Variants in CAST observed in about 807,000 individuals in gnomAD.
CAST encodes the protein calpastatin.
Under a neutral mutation model 119.6 loss-of-function variants are expected in CAST, and 76 were observed. That is an observed-to-expected ratio of 0.64 (90% CI 0.53 to 0.77). CAST has a LOEUF of 0.77. Among genes scored for constraint, CAST ranks in the 30% least tolerant of loss-of-function variants. CAST has a pLI of 0.00. For missense variants in CAST, 953 were observed against 946.5 expected (o/e 1.01, Z -0.09); for synonymous variants, 319 against 331.6 (o/e 0.96, Z 0.41).
At chr5:96,515,444 T>C in the CAST span, among the ~76,000 whole-genome samples, 1 of 151,814 alleles carries the variant, frequency 6.6e-6, no homozygotes, top group Non-Finnish European at 1.5e-5. Context: ...ACAGTGTGAG[T>C]GGTAAAGCAG....
At chr5:96,582,691 G>T (rs1382552158) in intron 1 of CAST, among the ~76,000 whole-genome samples, 4 of 152,180 alleles carry the variant, frequency 2.6e-5, no homozygotes, top group African/African-American at 7.2e-5. Flanking sequence ...CCCTCCCTCA[G>T]AGTTGTTTCT....
At chr5:96,195,399 G>T in the CAST span, among the ~76,000 whole-genome samples, 1 of 152,188 alleles carries the variant, frequency 6.6e-6, no homozygotes, top group Non-Finnish European at 1.5e-5. Context: ...CCATGGACAG[G>T]GCTGAGGAAT....
chr5:96,668,439 G>A (rs569655310), intron 1 of CAST, among the ~76,000 whole-genome samples: 13 of 152,186 alleles, frequency 8.5e-5, no homozygotes, highest in Admixed American at 2.0e-4. Flanking sequence ...AATGTTTACA[G>A]CCTTAGAAAA....
intron 1 of CAST, among the ~76,000 whole-genome samples, chr5:96,566,110 C>G (rs1318008860): frequency 2.0e-5 from 3 of 152,152 alleles, no homozygotes; most frequent in Non-Finnish European, 2.9e-5. Flanking sequence ...CTGTGACATT[C>G]TCTTATTTTA....
chr5:96,466,302 G>T, the CAST span, among the ~76,000 whole-genome samples: 17 of 151,986 alleles, frequency 1.1e-4, no homozygotes, highest in Admixed American at 7.2e-4. Flanking sequence ...ATTTGTTCAC[G>T]TTTTTATTCC....
the CAST span, among the ~76,000 whole-genome samples, chr5:96,339,521 A>T: frequency 2.0e-5 from 3 of 152,238 alleles, no homozygotes; most frequent in African/African-American, 7.2e-5. Flanking sequence ...AAAATCACAC[A>T]GTGAGCTGGG....
intron 1 of CAST, among the ~76,000 whole-genome samples, chr5:96,667,387 A>G (rs1270329591): frequency 6.6e-6 from 1 of 152,214 alleles, no homozygotes; most frequent in Non-Finnish European, 1.5e-5. Flanking sequence ...TTTCTCATAG[A>G]TAAAACTACA....
chr5:96,476,976 A>C, the CAST span, among the ~76,000 whole-genome samples: 6 of 151,170 alleles, frequency 4.0e-5, no homozygotes, highest in African/African-American at 1.5e-4. Flanking sequence ...CTTTTAATTA[A>C]GTCCAAAGAT....
chr5:96,432,306 T>A, the CAST span: 2 of 620,384 alleles, frequency 3.2e-6, no homozygotes, highest in Non-Finnish European at 5.7e-6. Flanking sequence ...CCCAACCTCC[T>A]GGTCGCGAGT....
the CAST span, among the ~76,000 whole-genome samples, chr5:96,438,838 C>T: frequency 2.6e-5 from 4 of 152,082 alleles, no homozygotes; most frequent in Admixed American, 6.5e-5. Flanking sequence ...GTAATACTCT[C>T]CAAATTTATA....
the CAST span, among the ~76,000 whole-genome samples, chr5:96,515,375 T>C: frequency 6.6e-6 from 1 of 151,886 alleles, no homozygotes; most frequent in Non-Finnish European, 1.5e-5. Flanking sequence ...GTGAGCGTGA[T>C]AAATGGCACA....
chr5:96,647,835 G>C (rs912258787), intron 1 of CAST, among the ~76,000 whole-genome samples: 1 of 152,090 alleles, frequency 6.6e-6, no homozygotes, highest in Non-Finnish European at 1.5e-5. Flanking sequence ...AGAGCTGTGA[G>C]ATAATAAATT....
chr5:96,550,318 G>A (rs1746103313), intron 1 of CAST, among the ~76,000 whole-genome samples: 1 of 152,224 alleles, frequency 6.6e-6, no homozygotes, highest in South Asian at 2.1e-4. Flanking sequence ...CTGCAGCTGA[G>A]GGGCCTGTCT....
At chr5:96,115,153 G>T in the CAST span, among the ~76,000 whole-genome samples, 1 of 152,256 alleles carries the variant, frequency 6.6e-6, no homozygotes, top group South Asian at 2.1e-4. Context: ...CCAAAACTTA[G>T]TTGCTCTTTG....
chr5:96,375,448 A>G, the CAST span, among the ~76,000 whole-genome samples: 3 of 149,880 alleles, frequency 2.0e-5, no homozygotes, highest in Non-Finnish European at 4.4e-5. Context: ...TTTTTTTACT[A>G]TGCACATGAG....
At chr5:95,979,082 A>G in the CAST span, among the ~76,000 whole-genome samples, 1 of 152,250 alleles carries the variant, frequency 6.6e-6, no homozygotes, top group African/African-American at 2.4e-5. Context: ...TGAGTATCAG[A>G]TGCATTAGGG....
chr5:96,765,842 A>G (rs1285552004), intron 26 of CAST, among the ~76,000 whole-genome samples: 1 of 152,226 alleles, frequency 6.6e-6, no homozygotes, highest in Non-Finnish European at 1.5e-5. Flanking sequence ...ACAGATATGA[A>G]TTGACATACA....
chr5:96,519,607 G>A, the CAST span, among the ~76,000 whole-genome samples: 62 of 152,068 alleles, frequency 4.1e-4, no homozygotes, highest in Non-Finnish European at 2.1e-4. Context: ...ACCTAGCTCC[G>A]TCTTACTTTT....
At chr5:96,078,130 C>T in the CAST span, among the ~76,000 whole-genome samples, 1 of 152,204 alleles carries the variant, frequency 6.6e-6, no homozygotes, top group Non-Finnish European at 1.5e-5. Context: ...GCTCTCTTGT[C>T]TCTTATGATA....
Sources: allele counts gnomAD v4.1 joint callset (sites outside exome capture counted in the v4.1 genomes callset), GRCh38; gene constraint gnomAD v4.1.1; transcripts MANE v1.5; gene names NCBI Gene and HGNC (gene_info 2026-07-23, HGNC 2026-07-21).